ZNF254: variants seen among roughly 807,000 people sequenced by gnomAD.
ZNF254 encodes CTD-2017D11.1.
A neutral mutation model predicts 12.4 loss-of-function variants in ZNF254; 10 were observed. The observed-to-expected ratio is 0.80, with a 90% CI of 0.50 to 1.36. The LOEUF is 1.36. Among genes scored for constraint, ZNF254 ranks in the 40% most tolerant of loss-of-function variants. ZNF254 has a pLI of 0.00. For synonymous variants in ZNF254, 305 were observed against 253.4 expected, an observed-to-expected ratio of 1.20 and a Z score of -1.93; for missense variants, 996 against 763.9, an observed-to-expected ratio of 1.30 and a Z score of -3.58.
intron 2 of ZNF254, among the ~76,000 whole-genome samples, chr19:24,054,130 T>C (rs1451108029): frequency 6.6e-6 from 1 of 152,196 alleles, no homozygotes; most frequent in East Asian, 1.9e-4. Context: ...CATTGTGACA[T>C]AGTGCTTAGC....
rs573353780 is a variant in ZNF254, at chr19:24,127,045, C to A, written c.1045C>A (p.Pro349Thr). ...RHKRMHTGEK[P>T]YKCEECGKAF... ...TAAGAGGATGCACACTGGAGAGAAA[C>A]CCTACAAATGTGAAGAATGTGGCAA... is the stretch of plus-strand genomic sequence containing the variant. The change falls in exon 4 of 4, where the codon CCC becomes ACC. Residue 349 changes from proline (P) to threonine (T), a missense_variant. Coordinates refer to ENST00000357002, the MANE Select transcript of ZNF254 (RefSeq NM_203282.4). The A allele has an allele frequency of 2.3e-5, 37 of 1,613,542 alleles. 1 individual carries two copies. In the South Asian group the frequency reaches 4.0e-4, roughly 17 times the overall value.
At chr19:24,052,846 A>G (rs1970699998) in intron 2 of ZNF254, among the ~76,000 whole-genome samples, 1 of 152,210 alleles carries the variant, frequency 6.6e-6, no homozygotes, top group Non-Finnish European at 1.5e-5. Context: ...ATACCTCTAA[A>G]CAACCAATAG....
At position 24,111,549 on chromosome 19, in the gene ZNF254, A is replaced by G. The variant is rs548286981; in HGVS notation, c.253+4906A>G. Among the ~76,000 whole-genome samples, 311 of 152,332 alleles carry G rather than the reference A, an allele frequency of 2.0e-3. 1 individual carries two copies. The highest frequency in any genetic ancestry group is 6.8e-3 in the Middle Eastern group (2 of 294). On this transcript the variant is annotated intron_variant, in intron 3 of 3. Coordinates refer to ENST00000357002, the MANE Select transcript of ZNF254 (RefSeq NM_203282.4). ...CCACACTGACTTCCACAATGGTTGA[A>G]CTAGTTGACAGTCCCACCAACAGTG...
In ZNF254 at chr19:24,127,009, C is replaced by G. The variant is rs1261048902; in HGVS notation, c.1009C>G (p.Leu337Val). Residue 337 changes from leucine (L) to valine (V), a missense_variant, in exon 4 of 4, where the codon CTA becomes GTA. Physicochemically the swap from Leu to Val is conservative, Grantham distance 32 (BLOSUM62 1). Coordinates refer to ENST00000357002, the MANE Select transcript of ZNF254 (RefSeq NM_203282.4). ...CAAAGCATTTATATGGTCCTCAACA[C>G]TAACTAGACATAAGAGGATGCACAC... ...CGKAFIWSSTLTRHKRMHTGE... is the reference protein window; with the variant it reads ...CGKAFIWSSTVTRHKRMHTGE... 4.3e-6 allele frequency: 7 copies of G among 1,613,598 alleles called. No individual in the cohort carries two copies. Among genetic ancestry groups the G allele is most frequent in the Non-Finnish European group, 5.9e-6 (7 of 1,179,844 alleles).
intron 3 of ZNF254, 35 bp from the exon 4 acceptor site, chr19:24,126,219 G>C (rs768649124): frequency 2.2e-5 from 30 of 1,341,782 alleles, no homozygotes; most frequent in Non-Finnish European, 2.7e-5. Flanking sequence ...AGTCTAGTAA[G>C]TGGAGTAATT....
intron 2 of ZNF254, among the ~76,000 whole-genome samples, chr19:24,056,985 C>T (rs189920810): frequency 7.3e-4 from 111 of 152,252 alleles, no homozygotes; most frequent in Non-Finnish European, 1.2e-3. Flanking sequence ...AGATCATAGG[C>T]ACAATGTTGG....
chr19:24,108,238 A>T (rs1178064678), intron 3 of ZNF254, among the ~76,000 whole-genome samples: 1 of 152,156 alleles, frequency 6.6e-6, no homozygotes, highest in Non-Finnish European at 1.5e-5. Flanking sequence ...CATGGCTCTA[A>T]ATGGGTGTAT....
At chr19:24,061,376 T>C (rs1321817147) in intron 2 of ZNF254, among the ~76,000 whole-genome samples, 1 of 152,200 alleles carries the variant, frequency 6.6e-6, no homozygotes, top group African/African-American at 2.4e-5. Context: ...GCCAAACACC[T>C]CAGCCCTGTC....
rs1975091647 is a variant in ZNF254 at position 24,129,291 on chromosome 19, A to G, written c.*1311A>G. On this transcript the variant is annotated 3_prime_UTR_variant, in exon 4 of 4. Coordinates refer to ENST00000357002, the MANE Select transcript of ZNF254 (RefSeq NM_203282.4). ...AATATGCAGTCTATTTTTAAATTAT[A>G]AATTATGTGTGAACTTAGCTTTTCA... 6.6e-6 allele frequency: 1 copy of G among 152,056 alleles called. No homozygotes were observed. The highest frequency in any genetic ancestry group is 1.5e-5 in the Non-Finnish European group (1 of 67,926). The allele number at this position is 152,056 out of a possible 1,614,324, so 9.4% of individuals were successfully genotyped here.
intron 1 of ZNF254, among the ~76,000 whole-genome samples, chr19:24,041,346 C>T (rs917152957): frequency 2.0e-5 from 3 of 152,208 alleles, no homozygotes; most frequent in South Asian, 2.1e-4. Context: ...GGGCTGCGTG[C>T]GGCGCTTGCG....
chr19:24,036,765 G>A (rs192815671), intron 1 of ZNF254, among the ~76,000 whole-genome samples: 9 of 152,246 alleles, frequency 5.9e-5, no homozygotes, highest in African/African-American at 1.9e-4. Flanking sequence ...CAGGGTGAAA[G>A]GGGACTGAGG....
intron 1 of ZNF254, among the ~76,000 whole-genome samples, chr19:24,099,714 A>C (rs777685916): frequency 6.6e-6 from 1 of 152,188 alleles, no homozygotes; most frequent in East Asian, 1.9e-4. Context: ...GAACTATGGC[A>C]TGGTGCTGTA....
At chr19:24,070,230 C>CT (rs1226957033) in intron 2 of ZNF254, among the ~76,000 whole-genome samples, 1 of 152,214 alleles carries the variant, frequency 6.6e-6, no homozygotes, top group Non-Finnish European at 1.5e-5. Context: ...TCACAAATGT[C>CT]TTAGAGTGGA....
chr19:24,060,903 C>G (rs1971040498), intron 2 of ZNF254, among the ~76,000 whole-genome samples: 1 of 152,168 alleles, frequency 6.6e-6, no homozygotes, highest in Non-Finnish European at 1.5e-5. Flanking sequence ...CTCCTGAGTC[C>G]TACCCACAGA....
At chr19:24,040,311 C>G (rs1970109948) in intron 1 of ZNF254, among the ~76,000 whole-genome samples, 2 of 152,100 alleles carry the variant, frequency 1.3e-5, no homozygotes, top group African/African-American at 4.8e-5. Flanking sequence ...TTTTTCCAAA[C>G]CTAAAAGCAA....
chr19:24,058,413 CT>C (rs574813499), intron 2 of ZNF254, among the ~76,000 whole-genome samples: 290 of 123,742 alleles, frequency 2.3e-3, no homozygotes, highest in South Asian at 2.6e-3. Context: ...TTCTTTCTTT[CT>C]TTTTTTTTTT....
Position 24,129,443 on chromosome 19 carries a change from GATA to G in ZNF254, c.*1466_*1468del, listed in dbSNP as rs1975098843. 1 of 152,040 alleles carries G rather than the reference GATA, an allele frequency of 6.6e-6. No individual in the cohort carries two copies. Among genetic ancestry groups the G allele is most frequent in the East Asian group, 1.9e-4 (1 of 5,192 alleles). The allele number at this position is 152,040 out of a possible 1,614,324, so 9.4% of individuals were successfully genotyped here. On this transcript the variant is annotated 3_prime_UTR_variant, in exon 4 of 4. Transcript: ENST00000357002. ...ATGGTAACAATACACTATTTGGTAA[GATA>G]ATGTACTGACATCTCTAGCAATCTT...
At chr19:24,117,588 G>T (rs1031779916) in intron 3 of ZNF254, among the ~76,000 whole-genome samples, 5 of 152,124 alleles carry the variant, frequency 3.3e-5, no homozygotes, top group African/African-American at 1.2e-4. Flanking sequence ...CTTTCCAGAT[G>T]CCGTCTGTCA....
chr19:24,040,000 A>G (rs566973157), intron 1 of ZNF254, among the ~76,000 whole-genome samples: 7 of 152,244 alleles, frequency 4.6e-5, no homozygotes, highest in Non-Finnish European at 8.8e-5. Flanking sequence ...GGCTTAAACC[A>G]TTAAAATCAG....
Sources: allele counts gnomAD v4.1 joint callset (sites outside exome capture counted in the v4.1 genomes callset), GRCh38; gene constraint gnomAD v4.1.1; transcripts MANE v1.5; gene names NCBI Gene and HGNC (gene_info 2026-07-23, HGNC 2026-07-21).